The following PCGF6 variants were observed in gnomAD, a reference collection of about 807,000 sequenced individuals.
PCGF6 encodes the protein polycomb group RING finger protein 6.
In PCGF6, 24 loss-of-function variants were observed where a neutral mutation model predicts 45.5. That is an observed-to-expected ratio of 0.53 (90% CI 0.38 to 0.74). The LOEUF (loss-of-function observed/expected upper bound fraction) is 0.74, where lower values mean the gene tolerates loss of function less well. Among genes scored for constraint, PCGF6 ranks in the 30% least tolerant of loss-of-function variants. PCGF6 has a pLI of 0.00. For missense variants in PCGF6, 356 were observed against 443.2 expected, an observed-to-expected ratio of 0.80 and a Z score of 1.77; for synonymous variants, 152 against 162.1, an observed-to-expected ratio of 0.94 and a Z score of 0.47.
chr10:103,340,181 A>C (rs1309740940), intron 6 of PCGF6, among the ~76,000 whole-genome samples: 6 of 22,390 alleles, frequency 2.7e-4, no homozygotes, highest in Non-Finnish European at 6.9e-4. Context: ...TGTCTCAGGG[A>C]AAAAAAAAAA....
intron 6 of PCGF6, among the ~76,000 whole-genome samples, chr10:103,340,720 C>T (rs1478706175): frequency 6.6e-6 from 1 of 152,006 alleles, no homozygotes; most frequent in Non-Finnish European, 1.5e-5. Flanking sequence ...CATCAGCCTC[C>T]CTAGTAGATG....
intron 8 of PCGF6, 85 bp downstream of exon 8, chr10:103,326,449 G>A: frequency 2.9e-6 from 2 of 691,856 alleles, no homozygotes; most frequent in Non-Finnish European, 4.5e-6. Flanking sequence ...AAAAATAATT[G>A]CATGAAATCC....
rs1056321108 is a variant in PCGF6, at chr10:103,326,157, G to A, written c.909+377C>T. 4.6e-5 allele frequency among the ~76,000 whole-genome samples: 7 copies of A among 152,180 alleles called. No homozygotes were observed. The South Asian group carries it at 6.2e-4, about 14-fold the overall frequency. On this transcript the variant is annotated intron_variant, in intron 8 of 9. Transcript: ENST00000369847. ...TCATGCCTGTAATCCCAGCACTTTG[G>A]GAGGCCGAGGCGGGCGGATCACGAG...
chr10:103,326,188 G>A (rs1190467860), intron 8 of PCGF6, among the ~76,000 whole-genome samples: 2 of 150,278 alleles, frequency 1.3e-5, no homozygotes, highest in South Asian at 2.1e-4. Context: ...ACGAGGTCAG[G>A]AGATCGAGAC....
At chr10:103,344,968 C>T (rs1162005883) in intron 6 of PCGF6, 56 bp downstream of exon 6, 1 of 1,186,344 alleles carries the variant, frequency 8.4e-7, no homozygotes, top group Non-Finnish European at 1.2e-6. Flanking sequence ...ACAATGATTT[C>T]CTATTAGGAC....
intron 9 of PCGF6, among the ~76,000 whole-genome samples, chr10:103,310,028 T>C (rs981575150): frequency 7.9e-5 from 12 of 151,752 alleles, no homozygotes; most frequent in Admixed American, 1.3e-4. Context: ...TTCAGCTCAT[T>C]GAAACCTCTG....
At chr10:103,334,859 T>C (rs906095651) in intron 6 of PCGF6, among the ~76,000 whole-genome samples, 4 of 152,152 alleles carry the variant, frequency 2.6e-5, no homozygotes, top group Non-Finnish European at 5.9e-5. Context: ...AATGAGGTAT[T>C]AGTACCCCTT....
chr10:103,346,663 C>T (rs1291084859), intron 5 of PCGF6, among the ~76,000 whole-genome samples: 1 of 152,022 alleles, frequency 6.6e-6, no homozygotes, highest in East Asian at 1.9e-4. Flanking sequence ...GGTGTGGTGG[C>T]GTGTGCCTGT....
At chr10:103,325,539 C>T (rs11191656) in intron 8 of PCGF6, among the ~76,000 whole-genome samples, 7,528 of 152,154 alleles carry the variant, frequency 0.049, 634 homozygotes, top group African/African-American at 0.17. Flanking sequence ...TGAGCCACTG[C>T]GCCTGGCCGA....
intron 1 of PCGF6, among the ~76,000 whole-genome samples, 176 bp downstream of exon 1, chr10:103,350,531 C>T (rs377577221): frequency 2.6e-4 from 40 of 152,298 alleles, no homozygotes; most frequent in African/African-American, 8.2e-4. Flanking sequence ...CAGGCCGGGC[C>T]GGAGGCCTGT....
chr10:103,350,611 G>C (rs536008047), intron 1 of PCGF6, 96 bp downstream of exon 1: 4 of 1,241,066 alleles, frequency 3.2e-6, no homozygotes, highest in African/African-American at 1.6e-5. Context: ...GCGCGGCGGC[G>C]GCGCACTAGG....
intron 7 of PCGF6, among the ~76,000 whole-genome samples, chr10:103,331,542 C>A (rs2093240047): frequency 6.6e-6 from 1 of 152,088 alleles, no homozygotes. Flanking sequence ...ACAGGCATGA[C>A]CCAATGTCCC....
At chr10:103,350,603 G>A in intron 1 of PCGF6, 104 bp downstream of exon 1, 4 of 1,170,454 alleles carry the variant, frequency 3.4e-6, no homozygotes, top group South Asian at 2.1e-5. Context: ...AGTGCTCCGC[G>A]CGGCGGCGGC....
At chr10:103,332,458 TAG>T (rs1287954592) in intron 7 of PCGF6, among the ~76,000 whole-genome samples, 1 of 152,074 alleles carries the variant, frequency 6.6e-6, no homozygotes, top group Admixed American at 6.6e-5. Flanking sequence ...TTATTTTTGA[TAG>T]AGACAGGGTA....
chr10:103,317,798 C>T (rs1035825945), intron 8 of PCGF6, among the ~76,000 whole-genome samples: 2 of 151,028 alleles, frequency 1.3e-5, no homozygotes, highest in African/African-American at 4.9e-5. Context: ...CTCTTGTTGT[C>T]CAGGCTGGAG....
At position 103,347,460 on chromosome 10, in the gene PCGF6, G is replaced by T. The variant is rs188599429; in HGVS notation, c.558-10C>A. 79 of 1,594,566 alleles carry T rather than the reference G, an allele frequency of 5.0e-5. 1 individual carries two copies. In the South Asian group the frequency reaches 5.6e-4, roughly 11 times the overall value. On this transcript the variant is annotated splice_polypyrimidine_tract_variant and intron_variant, in intron 3 of 9. Coordinates refer to ENST00000369847, the MANE Select transcript of PCGF6 (RefSeq NM_001011663.2). ...TAACTGTCGGTCCAACCTAATAAAA[G>T]GAAAGGATGGAGAATACCTCAGAAT...
intron 8 of PCGF6, among the ~76,000 whole-genome samples, chr10:103,318,054 G>A (rs1048204818): frequency 3.1e-4 from 46 of 150,702 alleles, no homozygotes; most frequent in African/African-American, 1.1e-3. Flanking sequence ...ACCGCACCCA[G>A]CTGGGGTTGG....
chr10:103,323,702 C>G (rs1050685374), intron 8 of PCGF6, among the ~76,000 whole-genome samples: 2 of 151,850 alleles, frequency 1.3e-5, no homozygotes, highest in Non-Finnish European at 2.9e-5. Context: ...TAGCGATTCT[C>G]TTGCCTCAGC....
rs2093248465 is a variant in PCGF6, at chr10:103,333,962, G to A, written c.783-10C>T. 6.6e-7 allele frequency: 1 copy of A among 1,524,102 alleles called. No individual in the cohort carries two copies. The highest frequency in any genetic ancestry group is 1.4e-5 in the African/African-American group (1 of 70,538). The allele number at this position is 1,524,102 out of a possible 1,614,324, so 94.4% of individuals were successfully genotyped here. A position where few individuals can be genotyped will look rare whatever the true frequency, so the allele number is the denominator to read the frequency against. ...CGTGCCTTCATTAGCACTGAAAAAT[G>A]AGAGCAAAATTAATCAATATTTAAT... is the stretch of plus-strand genomic sequence containing the variant. On this transcript the variant is annotated splice_polypyrimidine_tract_variant and intron_variant, in intron 6 of 9. Coordinates refer to ENST00000369847, the MANE Select transcript of PCGF6 (RefSeq NM_001011663.2).
Sources: allele counts gnomAD v4.1 joint callset (sites outside exome capture counted in the v4.1 genomes callset), GRCh38; gene constraint gnomAD v4.1.1; transcripts MANE v1.5; gene names NCBI Gene and HGNC (gene_info 2026-07-23, HGNC 2026-07-21).